The following DGKA variants were observed in gnomAD, a reference collection of about 807,000 sequenced individuals.
DGKA encodes 80 kDa diacylglycerol kinase.
In DGKA, 35 loss-of-function variants were observed where a neutral mutation model predicts 105.0. That is an observed-to-expected ratio of 0.33 (90% CI 0.25 to 0.44). DGKA has a LOEUF of 0.44. Ranked by LOEUF, DGKA falls within the 20% of genes least tolerant of loss-of-function variation. The pLI, the probability that DGKA is intolerant of heterozygous loss-of-function variation, is 1.00. For missense variants in DGKA, 665 were observed against 915.0 expected (o/e 0.73, Z 3.53); for synonymous variants, 296 against 332.0 (o/e 0.89, Z 1.18).
chr12:55,939,451 A>G lies in DGKA; in HGVS notation c.631A>G (p.Lys211Glu). The G allele has an allele frequency of 1.2e-6, 2 of 1,614,196 alleles. No homozygotes were observed. The highest frequency in any genetic ancestry group is 1.7e-6 in the Non-Finnish European group (2 of 1,180,026). Residue 211 changes from lysine (K) to glutamate (E), a missense_variant, in exon 9 of 24, where the codon AAG becomes GAG. Coordinates refer to ENST00000331886, the MANE Select transcript of DGKA (RefSeq NM_001345.5). The part of the protein sequence containing the change: ...KDDGQHMWRP[K>E]RFPRPVYCNL... ...CGACGGACAGCACATGTGGAGGCCC[A>G]AGAGGTTCCCCAGACCAGTCTACTG...
In DGKA at chr12:55,946,274, G is replaced by A. The variant is rs558770293; in HGVS notation, c.1426+4011G>A. ...CCACCTCTGCCTCCCAGGTTCTAGCGATTCTCCTGCCTCAGCCTCCCTAGT... is the reference window on the plus strand; with the variant it reads ...CCACCTCTGCCTCCCAGGTTCTAGCAATTCTCCTGCCTCAGCCTCCCTAGT... On this transcript the variant is annotated intron_variant, in intron 17 of 23. Transcript: ENST00000331886. Among the ~76,000 whole-genome samples, 642 of 152,106 alleles carry A rather than the reference G, an allele frequency of 4.2e-3. 1 individual carries two copies. The highest frequency in any genetic ancestry group is 7.4e-3 in the Non-Finnish European group (502 of 67,990).
At chr12:55,946,322 T>C in intron 17 of DGKA, among the ~76,000 whole-genome samples, 1 of 151,722 alleles carries the variant, frequency 6.6e-6, no homozygotes, top group Non-Finnish European at 1.5e-5. Context: ...AGGCATGTGC[T>C]ACAACACCTG....
rs777002142 is a variant in DGKA at position 55,938,914 on chromosome 12, G to A, written c.400-1G>A. On this transcript the variant is annotated splice_acceptor_variant, in intron 6 of 23. Transcript: ENST00000331886. LOFTEE classifies it high-confidence loss of function. ...TGTGGCTCTTGCCCTTTTTGCTCCA[G>A]GAAGTGGACAAAATTATCCTACAGA... The A allele has an allele frequency of 1.1e-5, 18 of 1,614,074 alleles. No homozygotes were observed.
rs201469085 is a variant in DGKA, at chr12:55,953,339, G to T, written c.2064-11G>T. ...GTAAGGAAATCACCAATGTTCCTTG[G>T]CCTCCTATAGCACCACAAAAACCCT... On this transcript the variant is annotated splice_polypyrimidine_tract_variant and intron_variant, in intron 22 of 23. Coordinates refer to ENST00000331886, the MANE Select transcript of DGKA (RefSeq NM_001345.5). 6.2e-5 allele frequency: 100 copies of T among 1,613,976 alleles called. 1 individual carries two copies. In the African/African-American group the frequency reaches 1.1e-3, roughly 18 times the overall value.
rs796401115 is a variant in DGKA at position 55,932,692 on chromosome 12, TAC to T, written c.-82+1363_-82+1364del. 0.022 allele frequency: 10,983 copies of T among 488,918 alleles called. 2 individuals carry two copies. The highest frequency in any genetic ancestry group is 0.026 in the East Asian group (698 of 26,514). 30.3% of individuals were successfully genotyped at this position (488,918 alleles called of 1,614,324 possible). ...TCCTATACTACGCAATGACACCCTC[TAC>T]ACACACACACACACGCACACACACA... On this transcript the variant is annotated intron_variant, in intron 1 of 23. Coordinates refer to ENST00000331886, the MANE Select transcript of DGKA (RefSeq NM_001345.5). The surrounding 1 kb of genome is among the most constrained non-coding windows in gnomAD (Gnocchi z 4.3).
At position 55,937,051 on chromosome 12, in the gene DGKA, C is replaced by T; in HGVS notation, c.99C>T (p.Leu33=). The change falls in exon 3 of 24, where the codon CTC becomes CTT. Residue 33 remains leucine (L), a synonymous_variant. Transcript: ENST00000331886. ...AAAAGGTCAGTGATGTCCTAAAGCTCTTCGAGGATGGCGAGATGGCTAAAT... is the reference window on the plus strand; with the variant it reads ...AAAAGGTCAGTGATGTCCTAAAGCTTTTCGAGGATGGCGAGATGGCTAAAT... ...STKKVSDVLK[L]FEDGEMAKYV... 6.2e-7 allele frequency: 1 copy of T among 1,614,170 alleles called. No homozygotes were observed. The highest frequency in any genetic ancestry group is 1.3e-5 in the African/African-American group (1 of 75,038).
chr12:55,942,225 C>G lies in DGKA; in HGVS notation c.1388C>G (p.Thr463Ser), dbSNP rs1276156535. Reference protein sequence around the residue: ...LPPVAVLPLGTGNDLARCLRW... With the variant: ...LPPVAVLPLGSGNDLARCLRW... ...CCTGTTGCTGTGTTGCCCCTGGGTA[C>G]TGGAAATGATCTGGCTCGATGCCTA... The change falls in exon 17 of 24, where the codon ACT becomes AGT. Residue 463 changes from threonine to serine, a missense_variant. Thr to Ser is a moderately conservative substitution (Grantham distance 58). Coordinates refer to ENST00000331886, the MANE Select transcript of DGKA (RefSeq NM_001345.5). 1.2e-6 allele frequency: 2 copies of G among 1,614,148 alleles called. No homozygotes were observed. The highest frequency in any genetic ancestry group is 1.7e-5 in the Admixed American group (1 of 60,024).
intron 1 of DGKA, among the ~76,000 whole-genome samples, chr12:55,933,281 A>T (rs1884017560): frequency 1.3e-5 from 2 of 152,188 alleles, no homozygotes; most frequent in South Asian, 4.1e-4. Flanking sequence ...AGCTCTGTGG[A>T]TGTTCTAAGA....
intron 23 of DGKA, 126 bp downstream of exon 23, chr12:55,953,536 C>A: frequency 7.4e-7 from 1 of 1,342,804 alleles, no homozygotes. Context: ...CATCCTAAAC[C>A]CTGATTTCTC....
At position 55,932,861 on chromosome 12, in the gene DGKA, G is replaced by C; in HGVS notation, c.-82+1517G>C. ...ACCTACTAGCAGCAACGGTCAGGGAGAGGAGGAGGATACAGTCTATGATGT... is the reference window on the plus strand; with the variant it reads ...ACCTACTAGCAGCAACGGTCAGGGACAGGAGGAGGATACAGTCTATGATGT... On this transcript the variant is annotated intron_variant, in intron 1 of 23. Coordinates refer to ENST00000331886, the MANE Select transcript of DGKA (RefSeq NM_001345.5). This position sits in a 1 kb window ranked among gnomAD's most constrained non-coding sequence, Gnocchi z 4.3. 4.3e-6 allele frequency: 2 copies of C among 468,284 alleles called. No individual in the cohort carries two copies. Among genetic ancestry groups the C allele is most frequent in the South Asian group, 5.1e-5 (2 of 39,246 alleles). 29.0% of individuals were successfully genotyped at this position (468,284 alleles called of 1,614,324 possible).
Position 55,940,538 on chromosome 12 carries a change from C to G in DGKA, c.919-86C>G, listed in dbSNP as rs1174792650. The G allele has an allele frequency of 1.9e-6, 3 of 1,569,266 alleles. No individual in the cohort carries two copies. The African/African-American group carries it at 4.1e-5, about 21-fold the overall frequency. On this transcript the variant is annotated intron_variant, in intron 11 of 23. Transcript: ENST00000331886. This position sits in a 1 kb window ranked among gnomAD's most constrained non-coding sequence, Gnocchi z 4.3. ...TTTACAGGCACAGTTGCCCCTGCTC[C>G]CAAGGGCTCTTTCCAGCCCAGACTG... is the stretch of plus-strand genomic sequence containing the variant.
At position 55,953,032 on chromosome 12, in the gene DGKA, G is replaced by T. The variant is rs759948366; in HGVS notation, c.1943-8G>T. 1 of 1,614,058 alleles carries T rather than the reference G, an allele frequency of 6.2e-7. No homozygotes were observed. Among genetic ancestry groups the T allele is most frequent in the Non-Finnish European group, 8.5e-7 (1 of 1,180,004 alleles). On this transcript the variant is annotated splice_region_variant and splice_polypyrimidine_tract_variant and intron_variant, in intron 21 of 23. Transcript: ENST00000331886. ...TATGTAAAACTTTACTCCCTACTTC[G>T]TCCCCAGACCTAAGTGACAAGAGAC...
rs762958155 is a variant in DGKA at position 55,940,852 on chromosome 12, A to G, written c.1018-45A>G. On this transcript the variant is annotated intron_variant, in intron 12 of 23. Coordinates refer to ENST00000331886, the MANE Select transcript of DGKA (RefSeq NM_001345.5). This position sits in a 1 kb window ranked among gnomAD's most constrained non-coding sequence, Gnocchi z 4.3. The stretch of plus-strand genomic sequence containing the variant: ...GTCAGACCCCTCTATTTAGGGATTC[A>G]TGCACAATACAGCTTTTCTTCCCTC... 7 of 1,607,010 alleles carry G rather than the reference A, an allele frequency of 4.4e-6. No individual in the cohort carries two copies. In the South Asian group the frequency reaches 7.7e-5, roughly 18 times the overall value.
At chr12:55,938,598 G>A in intron 6 of DGKA, 38 bp downstream of exon 6, 1 of 1,613,706 alleles carries the variant, frequency 6.2e-7, no homozygotes, top group Non-Finnish European at 8.5e-7. Flanking sequence ...AAGGGAATAT[G>A]TGTTAATTTG....
At chr12:55,936,848 T>G (rs1470914381) in intron 2 of DGKA, 169 bp from the exon 3 acceptor site, 6 of 814,486 alleles carry the variant, frequency 7.4e-6, no homozygotes, top group Non-Finnish European at 1.3e-5. Context: ...AGAAGAGGAG[T>G]AAAGAGTGGT....
At chr12:55,945,504 CA>C (rs944054204) in intron 17 of DGKA, among the ~76,000 whole-genome samples, 4 of 152,174 alleles carry the variant, frequency 2.6e-5, no homozygotes, top group Admixed American at 6.5e-5. Context: ...GAGAGAAGTC[CA>C]AAATGGGTCT....
At chr12:55,941,158 G>A in intron 13 of DGKA, 94 bp from the exon 14 acceptor site, 1 of 1,410,976 alleles carries the variant, frequency 7.1e-7, no homozygotes, top group Non-Finnish European at 9.7e-7. Context: ...AAATATCTTG[G>A]TGGAATGCTA....
At chr12:55,936,340 G>A (rs2136303204) in intron 1 of DGKA, 83 bp from the exon 2 acceptor site, 2 of 1,391,746 alleles carry the variant, frequency 1.4e-6, no homozygotes, top group Middle Eastern at 2.6e-4. Flanking sequence ...AATAGTGGGA[G>A]TAGAGACAGA....
chr12:55,952,860 G>A lies in DGKA; in HGVS notation c.1870G>A (p.Gly624Arg). ...DTRRPHGDIY[G>R]INQALGATAK... ...CAGGAGACCCCATGGGGATATCTAT[G>A]GGATCAACCAGGCCTTAGGTGCTAC... is the stretch of plus-strand genomic sequence containing the variant. Residue 624 changes from glycine to arginine, a missense_variant, in exon 21 of 24, where the codon GGG (glycine) becomes AGG (arginine). Around this residue, in one of 3 missense-constraint regions of DGKA, gnomAD observed 158 missense variants for 213.4 expected, o/e 0.74. Transcript: ENST00000331886. This position sits in a 1 kb window ranked among gnomAD's most constrained non-coding sequence, Gnocchi z 5.1. 18 of 1,614,158 alleles carry A rather than the reference G, an allele frequency of 1.1e-5. No homozygotes were observed. Among genetic ancestry groups the A allele is most frequent in the Non-Finnish European group, 1.5e-5 (18 of 1,180,026 alleles).
Sources: gnomAD v4.1 joint callset for allele counts (sites outside exome capture counted in the v4.1 genomes callset) on GRCh38, gnomAD v4.1.1 for gene constraint, gnomAD v4.1.1 regional missense constraint, Gnocchi (gnomAD v3.1) non-coding constraint, MANE v1.5 for transcripts, NCBI Gene and HGNC (gene_info 2026-07-23, HGNC 2026-07-21) for gene names.